Variants in GIPC1 observed in about 807,000 individuals in gnomAD.
GIPC1 encodes the protein GIPC PDZ domain containing family member 1, also known as PDZ domain-containing protein GIPC1.
A neutral mutation model predicts 28.5 loss-of-function variants in GIPC1; 15 were observed. The observed-to-expected ratio is 0.53, with a 90% CI of 0.35 to 0.81. The LOEUF is 0.81. Among genes scored for constraint, GIPC1 ranks in the 30% least tolerant of loss-of-function variants. The pLI is 0.01. For missense variants in GIPC1, 439 were observed against 481.9 expected (o/e 0.91, Z 0.83); for synonymous variants, 224 against 206.1 (o/e 1.09, Z -0.74).
intron 3 of GIPC1, among the ~76,000 whole-genome samples, chr19:14,486,718 T>C (rs916078407): frequency 1.3e-5 from 2 of 148,182 alleles, no homozygotes; most frequent in Non-Finnish European, 3.0e-5. Context: ...CTTTCTTTTT[T>C]TTTTTTTTTT....
At chr19:14,487,113 T>C (rs576668217) in intron 3 of GIPC1, among the ~76,000 whole-genome samples, 34 of 152,186 alleles carry the variant, frequency 2.2e-4, no homozygotes, top group African/African-American at 7.9e-4. Context: ...GCAAAATTAC[T>C]AGACCAAGGT....
In GIPC1 at chr19:14,482,669, C is replaced by A. The variant is rs948653598; in HGVS notation, c.288+20G>T. The A allele has an allele frequency of 6.2e-7, 1 of 1,609,708 alleles. No individual in the cohort carries two copies. Among genetic ancestry groups the A allele is most frequent in the South Asian group, 1.1e-5 (1 of 90,658 alleles). ...TGGTCCACCATCAGGGACCCTGGTGCCCGGCTCCCCAGTGGATACCTCGGC... is the reference window on the plus strand; with the variant it reads ...TGGTCCACCATCAGGGACCCTGGTGACCGGCTCCCCAGTGGATACCTCGGC... On this transcript the variant is annotated intron_variant, in intron 4 of 8. Transcript: ENST00000393033.
intron 6 of GIPC1, 171 bp from the exon 7 acceptor site, chr19:14,479,695 G>C: frequency 2.2e-6 from 1 of 450,732 alleles, no homozygotes; most frequent in Non-Finnish European, 3.9e-6. Context: ...CCTGACTCAG[G>C]CCTGGCATGG....
intron 3 of GIPC1, among the ~76,000 whole-genome samples, chr19:14,486,193 A>G (rs2071839974): frequency 6.6e-6 from 1 of 151,938 alleles, no homozygotes; most frequent in Non-Finnish European, 1.5e-5. Context: ...ACCTTCCTTA[A>G]CCCTCACACC....
chr19:14,482,249 C>A, intron 4 of GIPC1: 1 of 212,872 alleles, frequency 4.7e-6, no homozygotes, highest in Non-Finnish European at 9.6e-6. Flanking sequence ...TCAATCCATC[C>A]ATCCAATCAA....
At chr19:14,480,214 G>A in intron 6 of GIPC1, 91 bp downstream of exon 6, 1 of 1,133,940 alleles carries the variant, frequency 8.8e-7, no homozygotes, top group Non-Finnish European at 1.3e-6. Flanking sequence ...GGCAGGCCAG[G>A]CTTGGGCGCC....
intron 3 of GIPC1, among the ~76,000 whole-genome samples, chr19:14,490,701 T>C (rs141516375): frequency 0.027 from 3,926 of 147,630 alleles, 63 homozygotes; most frequent in East Asian, 0.08. Context: ...AGGCCAGGTG[T>C]GGTGGCTCAC....
chr19:14,494,200 C>T (rs568203360), intron 1 of GIPC1, among the ~76,000 whole-genome samples: 4 of 152,110 alleles, frequency 2.6e-5, no homozygotes, highest in Admixed American at 6.6e-5. Flanking sequence ...CCTCTTGACC[C>T]ACCTGTCTCA....
At chr19:14,495,608 TGGA>T (rs1053652349) in intron 1 of GIPC1, among the ~76,000 whole-genome samples, 5 of 151,892 alleles carry the variant, frequency 3.3e-5, no homozygotes, top group Non-Finnish European at 7.4e-5. Context: ...CTAGCTGAGG[TGGA>T]GTTTTTCATG....
chr19:14,491,252 G>C (rs889978181), intron 3 of GIPC1, among the ~76,000 whole-genome samples: 2 of 151,626 alleles, frequency 1.3e-5, no homozygotes, highest in African/African-American at 4.8e-5. Context: ...ATTCAGCTTG[G>C]CCGCATCCAA....
chr19:14,487,758 C>T (rs1297233649), intron 3 of GIPC1, among the ~76,000 whole-genome samples: 1 of 144,962 alleles, frequency 6.9e-6, no homozygotes, highest in Non-Finnish European at 1.5e-5. Context: ...CTCACTGCAC[C>T]CTTGCCCTCC....
At chr19:14,479,977 T>G in intron 6 of GIPC1, 3 of 477,920 alleles carry the variant, frequency 6.3e-6, no homozygotes, top group Non-Finnish European at 7.5e-6. Context: ...TGAAGCCAGA[T>G]GGAAAAGTGG....
chr19:14,493,434 A>C (rs1399793201), intron 1 of GIPC1, among the ~76,000 whole-genome samples: 2 of 151,220 alleles, frequency 1.3e-5, no homozygotes, highest in East Asian at 3.9e-4. Flanking sequence ...GTCCAGCCTA[A>C]AGACCTTGGC....
chr19:14,478,839 G>A lies in GIPC1; in HGVS notation c.769-74C>T. 1 of 1,091,764 alleles carries A rather than the reference G, an allele frequency of 9.2e-7. No individual in the cohort carries two copies. Among genetic ancestry groups the A allele is most frequent in the East Asian group, 2.4e-5 (1 of 42,494 alleles). The allele number at this position is 1,091,764 out of a possible 1,614,324, so 67.6% of individuals were successfully genotyped here. A position where few individuals can be genotyped will look rare whatever the true frequency, so the allele number is the denominator to read the frequency against. ...CATAGTAATTGGACGGACTGCCATTGTCACCACTTTACATATATTCGTATT... is the reference window on the plus strand; with the variant it reads ...CATAGTAATTGGACGGACTGCCATTATCACCACTTTACATATATTCGTATT... On this transcript the variant is annotated intron_variant, in intron 7 of 8. Coordinates refer to ENST00000393033, the MANE Select transcript of GIPC1 (RefSeq NM_005716.4). This position sits in a 1 kb window ranked among gnomAD's most constrained non-coding sequence, Gnocchi z 5.2.
intron 3 of GIPC1, among the ~76,000 whole-genome samples, chr19:14,484,043 T>C (rs1644267098): frequency 1.3e-5 from 2 of 151,690 alleles, no homozygotes. Flanking sequence ...CTCTGTCCCC[T>C]AGGCTGGATT....
At position 14,478,217 on chromosome 19, in the gene GIPC1, C is replaced by A. The variant is rs545869030; in HGVS notation, c.*199G>T. The A allele has an allele frequency of 3.6e-6, 2 of 554,718 alleles. No individual in the cohort carries two copies. The highest frequency in any genetic ancestry group is 6.2e-6 in the Non-Finnish European group (2 of 320,638). 34.4% of individuals were successfully genotyped at this position (554,718 alleles called of 1,614,324 possible). ...GAACAGGGCACAGGGGGGCCGGGGACCCCGGCCAGACTGGGAACCAGGGAG... is the reference window on the plus strand; with the variant it reads ...GAACAGGGCACAGGGGGGCCGGGGAACCCGGCCAGACTGGGAACCAGGGAG... On this transcript the variant is annotated 3_prime_UTR_variant, in exon 9 of 9. Coordinates refer to ENST00000393033, the MANE Select transcript of GIPC1 (RefSeq NM_005716.4). The surrounding 1 kb of genome is among the most constrained non-coding windows in gnomAD (Gnocchi z 5.2).
At chr19:14,494,343 C>T (rs969097525) in intron 1 of GIPC1, among the ~76,000 whole-genome samples, 1 of 151,564 alleles carries the variant, frequency 6.6e-6, no homozygotes, top group African/African-American at 2.4e-5. Flanking sequence ...CCACCCGCCT[C>T]GGCCTCCCAA....
intron 3 of GIPC1, among the ~76,000 whole-genome samples, chr19:14,486,480 C>T (rs2071846463): frequency 6.6e-6 from 1 of 152,070 alleles, no homozygotes; most frequent in African/African-American, 2.4e-5. Context: ...GTGCTGGAGC[C>T]TCCAGAGATC....
At position 14,485,686 on chromosome 19, in the gene GIPC1, T is replaced by C. The variant is rs746944302; in HGVS notation, c.-30-2680A>G. On this transcript the variant is annotated intron_variant, in intron 3 of 8. Transcript: ENST00000393033. ...ATAAATAAATAAATAAATAAACAAA[T>C]ATATATATATATATATAGAGAGAGA... Among the ~76,000 whole-genome samples the C allele has an allele frequency of 6.9e-4, 36 of 51,914 alleles. 3 individuals are homozygous for C. Among genetic ancestry groups the C allele is most frequent in the South Asian group, 1.6e-3 (2 of 1,234 alleles). The allele number at this position is 51,914 out of a possible 152,430, so 34.1% of individuals were successfully genotyped here.
Sources: gnomAD v4.1 joint callset for allele counts (sites outside exome capture counted in the v4.1 genomes callset) on GRCh38, gnomAD v4.1.1 for gene constraint, Gnocchi (gnomAD v3.1) non-coding constraint, MANE v1.5 for transcripts, NCBI Gene and HGNC (gene_info 2026-07-23, HGNC 2026-07-21) for gene names.